OTUD7A: variants seen among roughly 807,000 people sequenced by gnomAD.
The protein encoded by OTUD7A is OTU deubiquitinase 7A.
In OTUD7A, 12 loss-of-function variants were observed where a neutral mutation model predicts 65.7. The ratio of observed to expected loss-of-function variants is 0.18; its 90% CI spans 0.12 to 0.30. The LOEUF (loss-of-function observed/expected upper bound fraction) is 0.30. Among genes scored for constraint, OTUD7A ranks in the 10% least tolerant of loss-of-function variants. The pLI is 1.00. For synonymous variants in OTUD7A, 641 were observed against 586.3 expected (o/e 1.09, Z -1.35); for missense variants, 1,148 against 1,304.8 (o/e 0.88, Z 1.85).
At chr15:31,534,414 A>G (rs1015001258) in intron 5 of OTUD7A, among the ~76,000 whole-genome samples, 2 of 152,014 alleles carry the variant, frequency 1.3e-5, no homozygotes, top group African/African-American at 4.8e-5. Flanking sequence ...AACTTGATTT[A>G]AAAAATCTAC....
intron 1 of OTUD7A, among the ~76,000 whole-genome samples, chr15:31,713,549 G>A (rs1893504576): frequency 6.6e-6 from 1 of 152,022 alleles, no homozygotes; most frequent in Non-Finnish European, 1.5e-5. Context: ...AACCCAGGAG[G>A]CAGAGGTTGC....
At chr15:31,859,963 T>G (rs1897677711) in intron 1 of OTUD7A, among the ~76,000 whole-genome samples, 1 of 152,190 alleles carries the variant, frequency 6.6e-6, no homozygotes, top group Admixed American at 6.5e-5. Context: ...TTGCCACCAT[T>G]TTTTAACATA....
intron 1 of OTUD7A, among the ~76,000 whole-genome samples, chr15:31,745,119 C>T: frequency 6.6e-6 from 1 of 151,994 alleles, no homozygotes; most frequent in Non-Finnish European, 1.5e-5. Context: ...GGTCAGTTCT[C>T]CCAAAATTAA....
chr15:31,611,947 C>A (rs572074295), intron 3 of OTUD7A, among the ~76,000 whole-genome samples: 1 of 152,268 alleles, frequency 6.6e-6, no homozygotes, highest in East Asian at 1.9e-4. Context: ...AAAAGATAAT[C>A]CACCATGATC....
chr15:31,868,233 C>T (rs186318378), intron 1 of OTUD7A, among the ~76,000 whole-genome samples: 44 of 152,306 alleles, frequency 2.9e-4, no homozygotes, highest in African/African-American at 9.4e-4. Context: ...GATGAAGAGG[C>T]TTTAAAGCGG....
chr15:31,769,833 C>A (rs892253880), intron 1 of OTUD7A, among the ~76,000 whole-genome samples: 11 of 152,244 alleles, frequency 7.2e-5, no homozygotes, highest in Middle Eastern at 6.8e-3. Context: ...TCACTACAAA[C>A]GGGCAGCTTG....
At chr15:31,662,825 C>T (rs138277383) in intron 1 of OTUD7A, among the ~76,000 whole-genome samples, 179 of 152,260 alleles carry the variant, frequency 1.2e-3, no homozygotes, top group Middle Eastern at 0.01. Flanking sequence ...ATCTCTTTTA[C>T]AGATGAACCT....
chr15:31,521,218 A>G (rs937167523), intron 8 of OTUD7A, among the ~76,000 whole-genome samples: 5 of 152,200 alleles, frequency 3.3e-5, no homozygotes, highest in Non-Finnish European at 5.9e-5. Context: ...CTTTACCACA[A>G]TGCAATATTT....
chr15:31,615,139 G>C (rs1346748071), intron 3 of OTUD7A, among the ~76,000 whole-genome samples: 1 of 152,106 alleles, frequency 6.6e-6, no homozygotes, highest in Non-Finnish European at 1.5e-5. Flanking sequence ...TAACCAACTA[G>C]ATCAGTTATC....
chr15:31,660,730 G>C (rs750431014), intron 1 of OTUD7A, among the ~76,000 whole-genome samples: 1 of 152,262 alleles, frequency 6.6e-6, no homozygotes, highest in Admixed American at 6.5e-5. Context: ...GACAGATAGG[G>C]CTGTGTGAAA....
intron 3 of OTUD7A, among the ~76,000 whole-genome samples, chr15:31,615,981 C>T (rs1474345126): frequency 6.6e-6 from 1 of 152,258 alleles, no homozygotes; most frequent in Non-Finnish European, 1.5e-5. Context: ...CATCAGACAG[C>T]TCCACCTGGC....
At chr15:31,524,897 G>T (rs765678710) in intron 8 of OTUD7A, among the ~76,000 whole-genome samples, 3 of 152,150 alleles carry the variant, frequency 2.0e-5, no homozygotes, top group Non-Finnish European at 2.9e-5. Flanking sequence ...GAATCCCTCG[G>T]GCCCCAGGGA....
chr15:31,789,763 T>G (rs1206579700), intron 1 of OTUD7A, among the ~76,000 whole-genome samples: 5 of 148,928 alleles, frequency 3.4e-5, no homozygotes, highest in Non-Finnish European at 7.4e-5. Context: ...TAGAGTGCAA[T>G]GTCGCGATCT....
At chr15:31,559,986 A>T in intron 4 of OTUD7A, among the ~76,000 whole-genome samples, 1 of 152,252 alleles carries the variant, frequency 6.6e-6, no homozygotes, top group Non-Finnish European at 1.5e-5. Context: ...GAAACCACTT[A>T]GTAAGTGGGG....
At chr15:31,527,427 C>T in intron 6 of OTUD7A, 119 bp from the exon 7 acceptor site, 2 of 1,331,838 alleles carry the variant, frequency 1.5e-6, no homozygotes. Flanking sequence ...GCAGAACAGC[C>T]TCCTTACTCA....
At chr15:31,828,340 C>A (rs1294996217) in intron 1 of OTUD7A, among the ~76,000 whole-genome samples, 1 of 151,856 alleles carries the variant, frequency 6.6e-6, no homozygotes, top group African/African-American at 2.4e-5. Context: ...TTTTAATGGA[C>A]ACATAACTGT....
At chr15:31,651,388 C>T (rs1020771637) in intron 3 of OTUD7A, among the ~76,000 whole-genome samples, 3 of 151,918 alleles carry the variant, frequency 2.0e-5, no homozygotes, top group Admixed American at 1.3e-4. Context: ...TGAAATACTG[C>T]TTGTTCTCAG....
intron 1 of OTUD7A, among the ~76,000 whole-genome samples, chr15:31,790,872 G>T (rs1183971467): frequency 6.6e-6 from 1 of 152,188 alleles, no homozygotes; most frequent in African/African-American, 2.4e-5. Context: ...GTCACAGGCT[G>T]AGGTCCCCTT....
At chr15:31,731,513 ACAGTAAAATGAT>A (rs1338487706) in intron 1 of OTUD7A, among the ~76,000 whole-genome samples, 1 of 152,240 alleles carries the variant, frequency 6.6e-6, no homozygotes, top group Non-Finnish European at 1.5e-5. Context: ...AATCACAGGG[ACAGTAAAATGAT>A]CAGTGGTTAC....
Sources: allele counts gnomAD v4.1 joint callset (sites outside exome capture counted in the v4.1 genomes callset), GRCh38; gene constraint gnomAD v4.1.1; transcripts MANE v1.5; gene names NCBI Gene and HGNC (gene_info 2026-07-23, HGNC 2026-07-21).